DLC1: variants seen among roughly 807,000 people sequenced by gnomAD.
DLC1 encodes rho GTPase-activating protein 7.
A neutral mutation model predicts 140.3 loss-of-function variants in DLC1; 54 were observed. The ratio of observed to expected loss-of-function variants is 0.38; its 90% CI spans 0.31 to 0.48. The LOEUF (loss-of-function observed/expected upper bound fraction) is 0.48, where lower values mean the gene tolerates loss of function less well. Ranked by LOEUF, DLC1 falls within the 20% of genes least tolerant of loss-of-function variation. The pLI, the probability that DLC1 is intolerant of heterozygous loss-of-function variation, is 0.96. For synonymous variants in DLC1, 986 were observed against 728.1 expected (o/e 1.35, Z -5.70); for missense variants, 2,536 against 1,907.0 (o/e 1.33, Z -6.14).
At chr8:13,233,230 G>T (rs941010026) in intron 5 of DLC1, among the ~76,000 whole-genome samples, 1 of 147,768 alleles carries the variant, frequency 6.8e-6, no homozygotes, top group African/African-American at 2.5e-5. Context: ...GGGAGGTGGA[G>T]GTTGCAGTGA....
intron 5 of DLC1, among the ~76,000 whole-genome samples, chr8:13,258,660 C>T (rs926126357): frequency 5.8e-4 from 89 of 152,276 alleles, no homozygotes; most frequent in African/African-American, 2.0e-3. Context: ...TTGGTTGTTG[C>T]AGTACTTCAA....
chr8:13,203,555 AACTATGC>A (rs1270057044), intron 5 of DLC1, among the ~76,000 whole-genome samples: 7 of 152,210 alleles, frequency 4.6e-5, no homozygotes, highest in African/African-American at 1.7e-4. Context: ...ATCCTGTCTG[AACTATGC>A]ATCTGGTGAC....
At chr8:13,294,618 T>C (rs1343042424) in intron 5 of DLC1, among the ~76,000 whole-genome samples, 1 of 152,134 alleles carries the variant, frequency 6.6e-6, no homozygotes, top group Admixed American at 6.6e-5. Context: ...GTTGTTACCA[T>C]GACTACAGAG....
rs552918367 is a variant in DLC1, at chr8:13,577,118, T to G, written c.-126+27419A>C. Among the ~76,000 whole-genome samples the G allele has an allele frequency of 1.1e-4, 17 of 152,116 alleles. 1 individual carries two copies. Among genetic ancestry groups the G allele is most frequent in the African/African-American group, 4.1e-4 (17 of 41,424 alleles). ...GGGGCACCATTAATTCTTTCTACAT[T>G]TAAGAACAGTCCAAACTGGGCTGTT... On this transcript the variant is annotated intron_variant, in intron 1 of 1. Transcript: ENST00000631382.
intron 1 of DLC1, among the ~76,000 whole-genome samples, chr8:13,502,900 ACTTCTTAAATTCATGTGTTCAAG>A (rs1206931504): frequency 6.6e-6 from 1 of 152,164 alleles, no homozygotes; most frequent in Non-Finnish European, 1.5e-5. Flanking sequence ...GGGATTTTTC[ACTTCTTAAATTCATGTGTTCAAG>A]CACCGTGACA....
intron 4 of DLC1, among the ~76,000 whole-genome samples, chr8:13,375,061 T>C (rs1279606982): frequency 6.8e-6 from 1 of 146,810 alleles, no homozygotes; most frequent in Non-Finnish European, 1.5e-5. Context: ...GGAGTCTGGC[T>C]CTGTCGCCCA....
intron 5 of DLC1, among the ~76,000 whole-genome samples, chr8:13,262,811 T>G (rs986229536): frequency 6.6e-6 from 1 of 152,198 alleles, no homozygotes; most frequent in Non-Finnish European, 1.5e-5. Flanking sequence ...GAAAGACTAC[T>G]TGATGGATGA....
chr8:13,154,178 C>T (rs1445235559), intron 5 of DLC1, among the ~76,000 whole-genome samples: 1 of 152,234 alleles, frequency 6.6e-6, no homozygotes, highest in Non-Finnish European at 1.5e-5. Flanking sequence ...CTGGCTTCCC[C>T]TAGTGGATCC....
intron 2 of DLC1, among the ~76,000 whole-genome samples, chr8:13,408,222 A>C (rs907662210): frequency 1.3e-5 from 2 of 152,220 alleles, no homozygotes; most frequent in Non-Finnish European, 2.9e-5. Context: ...ATTATCTTTT[A>C]TTAATAATAT....
At chr8:13,425,514 C>T (rs1838531200) in intron 2 of DLC1, among the ~76,000 whole-genome samples, 1 of 152,180 alleles carries the variant, frequency 6.6e-6, no homozygotes. Flanking sequence ...CTTTCTCTAT[C>T]AGTCTCATTT....
chr8:13,120,396 A>T (rs1342861398), intron 5 of DLC1, among the ~76,000 whole-genome samples: 2 of 145,424 alleles, frequency 1.4e-5, no homozygotes, highest in African/African-American at 5.0e-5. Context: ...TAACAAATAC[A>T]TATAATATAT....
At chr8:13,345,547 C>CTTTTTTTTTTTGTT (rs1834291157) in intron 4 of DLC1, among the ~76,000 whole-genome samples, 1 of 67,520 alleles carries the variant, frequency 1.5e-5, no homozygotes, top group Non-Finnish European at 2.6e-5. Flanking sequence ...TTCACTCACA[C>CTTTTTTTTTTTGTT]TTTTTTTTTT....
At chr8:13,122,636 T>C (rs1821193102) in intron 5 of DLC1, among the ~76,000 whole-genome samples, 1 of 152,172 alleles carries the variant, frequency 6.6e-6, no homozygotes. Context: ...GAGTTATCTA[T>C]GTAAAATAAA....
intron 1 of DLC1, among the ~76,000 whole-genome samples, chr8:13,522,217 G>C (rs1053356761): frequency 7.9e-5 from 12 of 152,262 alleles, no homozygotes; most frequent in Middle Eastern, 3.4e-3. Context: ...AACCAGAAAA[G>C]AGCTTTTACA....
Position 13,500,159 on chromosome 8 carries a change from CCAAT to C in DLC1, c.-92_-89del. On this transcript the variant is annotated 5_prime_UTR_variant, in exon 2 of 18. The change abolishes the stop of an existing upstream ORF in the 5' untranslated region. Transcript: ENST00000276297. ...TTGATGAAAGATTATTTCAAAATCA[CCAAT>C]CAAAGAAGCGAATGAGTTCTGTCAT... The C allele has an allele frequency of 2.4e-6, 3 of 1,235,542 alleles. No individual in the cohort carries two copies. The highest frequency in any genetic ancestry group is 3.4e-6 in the Non-Finnish European group (3 of 891,468). 76.5% of individuals were successfully genotyped at this position (1,235,542 alleles called of 1,614,324 possible).
At chr8:13,344,610 C>T (rs7013038) in intron 4 of DLC1, among the ~76,000 whole-genome samples, 32,706 of 152,118 alleles carry the variant, frequency 0.22, 3,908 homozygotes, top group East Asian at 0.42. Flanking sequence ...AAGCAGCACC[C>T]GCAAATGAGT....
intron 5 of DLC1, among the ~76,000 whole-genome samples, chr8:13,208,620 A>G (rs1299377655): frequency 1.3e-5 from 2 of 152,096 alleles, no homozygotes; most frequent in Non-Finnish European, 2.9e-5. Flanking sequence ...AATGCCCAGA[A>G]TTTCAGATCA....
chr8:13,301,407 C>G (rs1379516037), intron 5 of DLC1, among the ~76,000 whole-genome samples: 1 of 152,156 alleles, frequency 6.6e-6, no homozygotes, highest in Admixed American at 6.5e-5. Flanking sequence ...CACACAAGGA[C>G]ATCAGTGATG....
chr8:13,382,487 G>A (rs1306166772), intron 4 of DLC1, among the ~76,000 whole-genome samples: 1 of 112,088 alleles, frequency 8.9e-6, no homozygotes, highest in Non-Finnish European at 1.7e-5. Context: ...CAGCCTGGGC[G>A]ACAGCGAGAC....
Sources: allele counts gnomAD v4.1 joint callset (sites outside exome capture counted in the v4.1 genomes callset), GRCh38; gene constraint gnomAD v4.1.1; transcripts MANE v1.5; gene names NCBI Gene and HGNC (gene_info 2026-07-23, HGNC 2026-07-21).